PRELID2: variants seen among roughly 807,000 people sequenced by gnomAD.
The protein encoded by PRELID2 is PRELI domain-containing protein 2.
Under a neutral mutation model 28.4 loss-of-function variants are expected in PRELID2, and 25 were observed. The observed-to-expected ratio is 0.88, with a 90% CI of 0.64 to 1.23. PRELID2 has a LOEUF of 1.23. Among genes scored for constraint, PRELID2 ranks in the 50% most tolerant of loss-of-function variants. PRELID2 has a pLI of 0.00. For synonymous variants in PRELID2, 76 were observed against 71.6 expected (o/e 1.06, Z -0.31); for missense variants, 201 against 214.4 (o/e 0.94, Z 0.39).
intron 1 of PRELID2, among the ~76,000 whole-genome samples, chr5:145,734,597 T>C (rs940539043): frequency 1.3e-5 from 2 of 152,238 alleles, no homozygotes; most frequent in Admixed American, 6.5e-5. Flanking sequence ...AATTAGCATG[T>C]TTTATGAAAA....
intron 1 of PRELID2, among the ~76,000 whole-genome samples, chr5:145,562,094 A>G (rs1471634578): frequency 1.3e-5 from 2 of 152,196 alleles, no homozygotes; most frequent in Admixed American, 6.5e-5. Context: ...TCATTTTTTT[A>G]AAGTCATGCA....
At chr5:145,820,041 C>CAA in intron 2 of PRELID2, 23 bp from the exon 3 acceptor site, 2 of 1,341,806 alleles carry the variant, frequency 1.5e-6, no homozygotes, top group Admixed American at 2.1e-5. Flanking sequence ...TTTTTTTACA[C>CAA]AAAAAAAAAT....
intron 1 of PRELID2, among the ~76,000 whole-genome samples, chr5:145,490,020 A>T (rs1442291408): frequency 6.6e-6 from 1 of 152,216 alleles, no homozygotes; most frequent in Non-Finnish European, 1.5e-5. Context: ...ATTTTTGCAG[A>T]TGATACATCT....
At chr5:145,269,970 A>T in the PRELID2 span, among the ~76,000 whole-genome samples, 1 of 150,936 alleles carries the variant, frequency 6.6e-6, no homozygotes, top group African/African-American at 2.4e-5. Flanking sequence ...AGAAGACATA[A>T]ATGGCTTATG....
At chr5:145,794,350 A>G (rs1752594716) in intron 5 of PRELID2, among the ~76,000 whole-genome samples, 1 of 152,170 alleles carries the variant, frequency 6.6e-6, no homozygotes, top group African/African-American at 2.4e-5. Context: ...CTTGCAACCA[A>G]ATAGTCCTAA....
intron 1 of PRELID2, among the ~76,000 whole-genome samples, chr5:145,558,102 A>G (rs970486500): frequency 1.3e-5 from 2 of 152,246 alleles, no homozygotes; most frequent in Non-Finnish European, 1.5e-5. Context: ...ATCTGGTTTC[A>G]AATACTGACC....
rs1554100823 is a variant in PRELID2, at chr5:145,824,469, T to TGTGTGTGA, written c.76-1336_76-1335insTCACACAC. 5.6e-4 allele frequency among the ~76,000 whole-genome samples: 81 copies of TGTGTGTGA among 144,212 alleles called. 2 individuals carry two copies. In the Middle Eastern group the frequency reaches 0.022, roughly 40 times the overall value. 94.6% of individuals were successfully genotyped at this position (144,212 alleles called of 152,430 possible). ...GTGTGTGTGTGTGTGTGTGTGATAT[T>TGTGTGTGA]GATTTATTAATGGATTTTTCAGGGA... On this transcript the variant is annotated intron_variant, in intron 1 of 6. Coordinates refer to ENST00000683046, the MANE Select transcript of PRELID2 (RefSeq NM_205846.3).
chr5:145,334,171 T>G, the PRELID2 span, among the ~76,000 whole-genome samples: 10 of 152,200 alleles, frequency 6.6e-5, no homozygotes, highest in Non-Finnish European at 1.2e-4. Flanking sequence ...TCACCCACTT[T>G]CTGTGTTGAT....
chr5:145,291,208 G>T, the PRELID2 span, among the ~76,000 whole-genome samples: 1 of 151,614 alleles, frequency 6.6e-6, no homozygotes, highest in Non-Finnish European at 1.5e-5. Context: ...CCTGTGTCAG[G>T]TGACTGTAAC....
the PRELID2 span, among the ~76,000 whole-genome samples, chr5:145,315,277 C>T: frequency 6.6e-6 from 1 of 151,776 alleles, no homozygotes. Context: ...ACCATTTTGG[C>T]CAGGATGGTT....
chr5:145,648,985 A>C (rs946869590), intron 1 of PRELID2, among the ~76,000 whole-genome samples: 10 of 152,246 alleles, frequency 6.6e-5, no homozygotes, highest in African/African-American at 2.4e-4. Context: ...GTACCTATCA[A>C]AGCATTTTGT....
intron 1 of PRELID2, among the ~76,000 whole-genome samples, chr5:145,694,048 C>T (rs898136480): frequency 6.6e-6 from 1 of 152,180 alleles, no homozygotes; most frequent in Non-Finnish European, 1.5e-5. Flanking sequence ...AGTTAATCTT[C>T]TAGTGCCTCT....
At chr5:145,308,497 T>C in the PRELID2 span, among the ~76,000 whole-genome samples, 6 of 152,212 alleles carry the variant, frequency 3.9e-5, no homozygotes, top group Non-Finnish European at 7.3e-5. Context: ...GTACTTTAGG[T>C]GCACCAATTC....
intron 1 of PRELID2, among the ~76,000 whole-genome samples, chr5:145,638,841 C>T (rs975221059): frequency 3.3e-5 from 5 of 152,170 alleles, no homozygotes; most frequent in African/African-American, 9.6e-5. Context: ...AGAAAAATGG[C>T]GTGTTGTCCT....
the PRELID2 span, among the ~76,000 whole-genome samples, chr5:145,365,716 C>A: frequency 4.0e-5 from 6 of 151,844 alleles, no homozygotes; most frequent in African/African-American, 1.4e-4. Context: ...CTCCCTCAAC[C>A]ACTAACTGAT....
chr5:145,781,611 A>T (rs1212641034), intron 5 of PRELID2, among the ~76,000 whole-genome samples: 1 of 147,184 alleles, frequency 6.8e-6, no homozygotes, highest in Non-Finnish European at 1.5e-5. Flanking sequence ...CTATATACAC[A>T]CTATATATAT....
chr5:145,648,124 A>T (rs1754228300), intron 1 of PRELID2, among the ~76,000 whole-genome samples: 1 of 152,232 alleles, frequency 6.6e-6, no homozygotes, highest in South Asian at 2.1e-4. Flanking sequence ...AATTTATTGT[A>T]GTAAAGAAGA....
At chr5:145,769,544 T>C (rs759039153) in intron 5 of PRELID2, among the ~76,000 whole-genome samples, 22 of 152,250 alleles carry the variant, frequency 1.4e-4, no homozygotes, top group Non-Finnish European at 8.8e-5. Context: ...CTCTGATTTA[T>C]GTAGGAGGCT....
intron 1 of PRELID2, among the ~76,000 whole-genome samples, chr5:145,540,488 G>A (rs939966583): frequency 5.9e-5 from 9 of 151,966 alleles, no homozygotes; most frequent in African/African-American, 2.2e-4. Context: ...GCATTTAATG[G>A]TTAGAAAGAT....
Sources: gnomAD v4.1 joint callset for allele counts (sites outside exome capture counted in the v4.1 genomes callset) on GRCh38, gnomAD v4.1.1 for gene constraint, MANE v1.5 for transcripts, NCBI Gene and HGNC (gene_info 2026-07-23, HGNC 2026-07-21) for gene names.